TMEM164: variants seen among roughly 807,000 people sequenced by gnomAD.
The protein encoded by TMEM164 is transmembrane protein 164.
Under a neutral mutation model 18.8 loss-of-function variants are expected in TMEM164, and 4 were observed. That is an observed-to-expected ratio of 0.21 (90% CI 0.10 to 0.49). TMEM164 has a LOEUF of 0.49. Ranked by LOEUF, TMEM164 falls within the 20% of genes least tolerant of loss-of-function variation. TMEM164 has a pLI of 0.98. For synonymous variants in TMEM164, 86 were observed against 101.7 expected (o/e 0.85, Z 0.93); for missense variants, 108 against 239.9 (o/e 0.45, Z 3.63).
intron 3 of TMEM164, among the ~76,000 whole-genome samples, chrX:110,105,462 G>C (rs1057240251): frequency 9.2e-6 from 1 of 109,002 alleles, no homozygotes; most frequent in African/African-American, 3.3e-5. Flanking sequence ...AGGCTGGAGG[G>C]GGGTATAAAG....
At chrX:110,150,185 AGGAAATGACAT>A (rs1430871835) in intron 5 of TMEM164, among the ~76,000 whole-genome samples, 2 of 112,460 alleles carry the variant, frequency 1.8e-5, no homozygotes, top group East Asian at 5.5e-4. Flanking sequence ...GAGTTCCCTG[AGGAAATGACAT>A]TTAAATAGAA....
At chrX:110,182,086 T>C (rs866741214), downstream of TMEM164, among the ~76,000 whole-genome samples, 10 of 111,562 alleles carry the variant, frequency 9.0e-5, no homozygotes, top group African/African-American at 2.9e-4. Context: ...GGCATGACAG[T>C]TTAATCAGCA....
intron 3 of TMEM164, among the ~76,000 whole-genome samples, chrX:110,105,752 A>AAT (rs2147964297): frequency 2.7e-4 from 7 of 25,998 alleles, no homozygotes; most frequent in East Asian, 1.1e-3. Flanking sequence ...AGAGAGAATG[A>AAT]GAGAGAGAGA....
intron 4 of TMEM164, among the ~76,000 whole-genome samples, chrX:110,128,645 G>T (rs2066569115): frequency 9.1e-6 from 1 of 110,415 alleles, no homozygotes; most frequent in African/African-American, 3.3e-5. Context: ...TATTCTTCTG[G>T]GACCACATTT....
chrX:110,099,327 A>G (rs1602622046), intron 3 of TMEM164, among the ~76,000 whole-genome samples: 1 of 109,907 alleles, frequency 9.1e-6, no homozygotes, highest in African/African-American at 3.3e-5. Context: ...TGTCATGTCT[A>G]AGAACTGTTT....
At chrX:110,004,599 A>T (rs1932564137) in intron 2 of TMEM164, among the ~76,000 whole-genome samples, 1 of 110,057 alleles carries the variant, frequency 9.1e-6, no homozygotes, top group Non-Finnish European at 1.9e-5. Context: ...GGTCGCATAA[A>T]CTTTCTCATC....
chrX:110,030,421 CTTT>C (rs367617232), intron 2 of TMEM164, among the ~76,000 whole-genome samples: 1 of 90,909 alleles, frequency 1.1e-5, no homozygotes. Flanking sequence ...CATTCGGCCT[CTTT>C]TTTTTTTTTT....
chrX:110,063,312 C>T (rs1936194658), intron 2 of TMEM164, among the ~76,000 whole-genome samples: 1 of 112,108 alleles, frequency 8.9e-6, no homozygotes, highest in Admixed American at 9.5e-5. Context: ...AACACTTGCT[C>T]CAGTGTACAA....
chrX:110,145,945 C>A (rs749098235), intron 5 of TMEM164, among the ~76,000 whole-genome samples: 9 of 112,211 alleles, frequency 8.0e-5, no homozygotes, highest in African/African-American at 2.9e-4. Flanking sequence ...TCCATACTTG[C>A]CTAAATATTC....
At chrX:110,015,580 T>TGCGC (rs1299962124) in intron 2 of TMEM164, among the ~76,000 whole-genome samples, 1 of 108,264 alleles carries the variant, frequency 9.2e-6, no homozygotes, top group African/African-American at 3.5e-5. Context: ...TGTGTGTGTG[T>TGCGC]GCGCGCCTGT....
At chrX:110,050,801 C>T (rs1302142853) in intron 2 of TMEM164, among the ~76,000 whole-genome samples, 1 of 111,986 alleles carries the variant, frequency 8.9e-6, no homozygotes, top group Non-Finnish European at 1.9e-5. Flanking sequence ...TTCTGATTTT[C>T]CCCCAGAAGT....
chrX:110,134,903 G>A (rs769035445), intron 4 of TMEM164, among the ~76,000 whole-genome samples: 76 of 111,410 alleles, frequency 6.8e-4, no homozygotes, highest in African/African-American at 2.1e-3. Flanking sequence ...AAGGATTCCT[G>A]TAATGTAGAG....
intron 2 of TMEM164, among the ~76,000 whole-genome samples, chrX:110,033,373 TTCTGTAGGTGATTAA>T (rs1428157958): frequency 8.9e-6 from 1 of 112,161 alleles, no homozygotes; most frequent in Non-Finnish European, 1.9e-5. Context: ...GAGTTTCTCA[TTCTGTAGGTGATTAA>T]TCTTCTTTGT....
At chrX:110,055,777 CA>C (rs780915947) in intron 2 of TMEM164, among the ~76,000 whole-genome samples, 2 of 110,539 alleles carry the variant, frequency 1.8e-5, no homozygotes, top group Admixed American at 1.9e-4. Context: ...GAGAGAATCT[CA>C]GGGGGAAGGA....
chrX:110,145,260 C>A (rs918708700), intron 5 of TMEM164, among the ~76,000 whole-genome samples: 1 of 111,165 alleles, frequency 9.0e-6, no homozygotes, highest in African/African-American at 3.3e-5. Flanking sequence ...AGCACTCGGT[C>A]CCCTCAAGAA....
chrX:110,046,238 A>C (rs746908630), intron 2 of TMEM164: 15 of 754,729 alleles, frequency 2.0e-5, no homozygotes, highest in Non-Finnish European at 2.3e-5. Context: ...GAGAATGAAA[A>C]GAGGCAGGGA....
intron 2 of TMEM164, among the ~76,000 whole-genome samples, chrX:110,005,946 TG>T (rs1932679827): frequency 9.0e-6 from 1 of 111,387 alleles, no homozygotes; most frequent in African/African-American, 3.3e-5. Context: ...GAGCTGCGGC[TG>T]ATGTGATGAC....
chrX:110,049,362 C>T (rs1208493068), intron 2 of TMEM164, among the ~76,000 whole-genome samples: 1 of 110,607 alleles, frequency 9.0e-6, no homozygotes, highest in Admixed American at 9.6e-5. Context: ...GATAATTTTT[C>T]CATGGACTGA....
At chrX:110,014,847 G>A (rs1470596649) in intron 2 of TMEM164, among the ~76,000 whole-genome samples, 3 of 105,275 alleles carry the variant, frequency 2.8e-5, no homozygotes, top group African/African-American at 1.0e-4. Flanking sequence ...GGTAACTGTT[G>A]GAAGAGAAAG....
Sources: gnomAD v4.1 joint callset for allele counts (sites outside exome capture counted in the v4.1 genomes callset) on GRCh38, gnomAD v4.1.1 for gene constraint, MANE v1.5 for transcripts, NCBI Gene and HGNC (gene_info 2026-07-23, HGNC 2026-07-21) for gene names.